The following PPP2R5A variants were observed in gnomAD, a reference collection of about 807,000 sequenced individuals.
PPP2R5A encodes protein phosphatase 2 regulatory subunit B'alpha, also known as serine/threonine-protein phosphatase 2A 56 kDa regulatory subunit alpha isoform.
In PPP2R5A, 25 loss-of-function variants were observed where a neutral mutation model predicts 64.2. The ratio of observed to expected loss-of-function variants is 0.39; its 90% CI spans 0.28 to 0.54. PPP2R5A has a LOEUF of 0.54. Among genes scored for constraint, PPP2R5A ranks in the 20% least tolerant of loss-of-function variants. PPP2R5A has a pLI of 0.67. For missense variants in PPP2R5A, 425 were observed against 576.3 expected (o/e 0.74, Z 2.69); for synonymous variants, 198 against 201.2 (o/e 0.98, Z 0.13).
intron 1 of PPP2R5A, among the ~76,000 whole-genome samples, chr1:212,304,322 G>C (rs986216484): frequency 6.6e-6 from 1 of 152,074 alleles, no homozygotes; most frequent in African/African-American, 2.4e-5. Context: ...AGGCCGAGGT[G>C]GGTGGATCAC....
intron 1 of PPP2R5A, among the ~76,000 whole-genome samples, chr1:212,307,576 T>C (rs351382): frequency 0.99 from 151,507 of 152,318 alleles, 75,352 homozygotes; most frequent in Middle Eastern, 1. Flanking sequence ...AACCGTCCAA[T>C]GGTACATTAT....
intron 1 of PPP2R5A, among the ~76,000 whole-genome samples, chr1:212,316,565 G>C (rs1030389763): frequency 8.6e-6 from 1 of 116,954 alleles, no homozygotes; most frequent in African/African-American, 3.1e-5. Flanking sequence ...AAATTCCATG[G>C]ATATTTAACC....
rs117915300 is a variant in PPP2R5A, at chr1:212,345,805, C to T, written c.576C>T (p.Leu192=). The T allele has an allele frequency of 2.6e-4, 415 of 1,595,402 alleles. 7 individuals are homozygous for T. The East Asian group carries it at 9.2e-3, about 36-fold the overall frequency. The change falls in exon 5 of 13, where the codon CTC becomes CTT. Residue 192 remains leucine (L), a splice_region_variant and synonymous_variant. Coordinates refer to ENST00000261461, the MANE Select transcript of PPP2R5A (RefSeq NM_006243.4). The part of the protein sequence containing the change: ...RYIDQKFVQQ[L]LELFDSEDPR... Reference sequence around the variant, plus strand: ...AATTTCTCAGGTTTCTTTTAAAGCTCCTGGAGCTTTTTGATAGTGAAGATC... The same window carrying T: ...AATTTCTCAGGTTTCTTTTAAAGCTTCTGGAGCTTTTTGATAGTGAAGATC...
At chr1:212,291,050 TTA>T (rs1407596721) in intron 1 of PPP2R5A, among the ~76,000 whole-genome samples, 11 of 152,216 alleles carry the variant, frequency 7.2e-5, no homozygotes, top group Non-Finnish European at 1.2e-4. Flanking sequence ...TAGTTTGTTT[TTA>T]TGTGTTTAGC....
At chr1:212,359,259 G>A (rs1474883420) in intron 12 of PPP2R5A, among the ~76,000 whole-genome samples, 1 of 152,170 alleles carries the variant, frequency 6.6e-6, no homozygotes, top group African/African-American at 2.4e-5. Flanking sequence ...CTTTTCAAGT[G>A]TTCTTTGTTA....
intron 12 of PPP2R5A, 128 bp downstream of exon 12, chr1:212,358,915 C>A (rs1273889177): frequency 5.1e-6 from 3 of 589,910 alleles, no homozygotes; most frequent in Non-Finnish European, 8.5e-6. Context: ...TTATAGTAAA[C>A]ATTACAATGT....
rs869112186 is a variant in PPP2R5A at position 212,297,096 on chromosome 1, C to CTT, written c.181+10846_181+10847dup. ...TTTCTTTTCTTTTTCTTTGCTTCTT[C>CTT]TTTTTTTTTTTTTTTTTTTTTTTTT... On this transcript the variant is annotated intron_variant, in intron 1 of 12. Transcript: ENST00000261461. 4.0e-4 allele frequency among the ~76,000 whole-genome samples: 33 copies of CTT among 82,672 alleles called. 3 individuals are homozygous for CTT. Among genetic ancestry groups the CTT allele is most frequent in the Non-Finnish European group, 4.5e-4 (18 of 40,430 alleles). The allele number at this position is 82,672 out of a possible 152,430, so 54.2% of individuals were successfully genotyped here.
At chr1:212,309,035 A>G in intron 1 of PPP2R5A, 2 of 692,958 alleles carry the variant, frequency 2.9e-6, no homozygotes, top group Non-Finnish European at 5.2e-6. Flanking sequence ...ATATTTAGCC[A>G]GCTAGACTCA....
Position 212,356,606 on chromosome 1 carries a change from A to G in PPP2R5A, c.928-20A>G. The G allele has an allele frequency of 6.2e-7, 1 of 1,606,052 alleles. No homozygotes were observed. Among genetic ancestry groups the G allele is most frequent in the Non-Finnish European group, 8.5e-7 (1 of 1,177,130 alleles). On this transcript the variant is annotated intron_variant, in intron 8 of 12. Transcript: ENST00000261461. ...CTAGCTTTGTTATTAAATTCATGCTAAACTTTTTCTTTTTCGCAGGTGATC... is the reference window on the plus strand; with the variant it reads ...CTAGCTTTGTTATTAAATTCATGCTGAACTTTTTCTTTTTCGCAGGTGATC...
intron 1 of PPP2R5A, among the ~76,000 whole-genome samples, chr1:212,312,204 G>A (rs1009258869): frequency 2.0e-5 from 3 of 152,216 alleles, no homozygotes; most frequent in Non-Finnish European, 4.4e-5. Flanking sequence ...TAGCCTAGGA[G>A]CAGTAGGCTC....
At chr1:212,359,382 A>G (rs1660041614) in intron 12 of PPP2R5A, among the ~76,000 whole-genome samples, 1 of 152,156 alleles carries the variant, frequency 6.6e-6, no homozygotes, top group Non-Finnish European at 1.5e-5. Flanking sequence ...GGTACTATTA[A>G]TATGTTGTCC....
At chr1:212,295,689 AAG>A (rs1658681317) in intron 1 of PPP2R5A, among the ~76,000 whole-genome samples, 1 of 152,170 alleles carries the variant, frequency 6.6e-6, no homozygotes, top group Non-Finnish European at 1.5e-5. Flanking sequence ...CTGTCAGGGG[AAG>A]AGAGTCTTTA....
chr1:212,360,687 G>A lies in PPP2R5A; in HGVS notation c.1378G>A (p.Glu460Lys), dbSNP rs1440333259. 6.3e-7 allele frequency: 1 copy of A among 1,594,982 alleles called. No homozygotes were observed. Among genetic ancestry groups the A allele is most frequent in the African/African-American group, 1.4e-5 (1 of 73,802 alleles). Residue 460 changes from glutamate to lysine, a missense_variant, in exon 13 of 13, where the codon GAG (glutamate) becomes AAG (lysine). Transcript: ENST00000261461. ...EREELWKKLE[E>K]LKLKKALEKQ... The stretch of plus-strand genomic sequence containing the variant: ...TGAAGAATTATGGAAAAAATTAGAG[G>A]AGCTAAAGCTAAAGAAAGCTCTAGA...
chr1:212,360,735 A>G lies in PPP2R5A; in HGVS notation c.1426A>G (p.Met476Val), dbSNP rs1230873880. The change falls in exon 13 of 13, where the codon ATG becomes GTG. Residue 476 changes from methionine (M) to valine (V), a missense_variant. Met to Val is a conservative substitution (Grantham distance 21). This residue lies in a region of PPP2R5A where 177 missense variants were observed against 244.8 expected (regional missense o/e 0.72). Coordinates refer to ENST00000261461, the MANE Select transcript of PPP2R5A (RefSeq NM_006243.4). ...AGAAAAACAGAATAGTGCTTACAACATGCACAGTATTCTCAGCAATACAAG... is the reference window on the plus strand; with the variant it reads ...AGAAAAACAGAATAGTGCTTACAACGTGCACAGTATTCTCAGCAATACAAG... ...ALEKQNSAYNMHSILSNTSAE is the reference protein window; with the variant it reads ...ALEKQNSAYNVHSILSNTSAE The G allele has an allele frequency of 6.3e-7, 1 of 1,589,264 alleles. No homozygotes were observed.
chr1:212,338,437 G>A lies in PPP2R5A; in HGVS notation c.481-3751G>A, dbSNP rs117148978. ...TGCAACACTGTTTCTTAGATTCTTG[G>A]AGCAAGTTATTTGTATAGAAGACCA... On this transcript the variant is annotated intron_variant, in intron 3 of 12. Coordinates refer to ENST00000261461, the MANE Select transcript of PPP2R5A (RefSeq NM_006243.4). Among the ~76,000 whole-genome samples, 22 of 152,192 alleles carry A rather than the reference G, an allele frequency of 1.4e-4. No homozygotes were observed. In the East Asian group the frequency reaches 4.3e-3, roughly 29 times the overall value.
chr1:212,349,335 A>G, intron 8 of PPP2R5A, 93 bp downstream of exon 8: 4 of 914,636 alleles, frequency 4.4e-6, no homozygotes, highest in Non-Finnish European at 6.3e-6. Context: ...ATTAAGTAGA[A>G]TAATGTACGT....
At chr1:212,327,976 G>A (rs1198612432) in intron 1 of PPP2R5A, among the ~76,000 whole-genome samples, 2 of 152,242 alleles carry the variant, frequency 1.3e-5, no homozygotes, top group Middle Eastern at 3.4e-3. Context: ...CACCATGCCC[G>A]GATAATTTTT....
chr1:212,335,475 C>CAA lies in PPP2R5A; in HGVS notation c.480+1889_480+1890dup, dbSNP rs71573833. Among the ~76,000 whole-genome samples the CAA allele has an allele frequency of 8.3e-3, 842 of 100,990 alleles. 31 individuals are homozygous for CAA. The highest frequency in any genetic ancestry group is 0.076 in the Admixed American group (763 of 10,096). The allele number at this position is 100,990 out of a possible 152,430, so 66.3% of individuals were successfully genotyped here. ...GGGCAACAAGAGAGAAACTCCGGCT[C>CAA]AAAAAAAAAAAAAGAAAAAAGATGA... On this transcript the variant is annotated intron_variant, in intron 3 of 12. Transcript: ENST00000261461.
intron 3 of PPP2R5A, among the ~76,000 whole-genome samples, chr1:212,339,652 TTTCAATTATATATATGG>T (rs1301479694): frequency 2.0e-5 from 3 of 152,068 alleles, no homozygotes; most frequent in African/African-American, 4.8e-5. Context: ...ATGGCACAGG[TTTCAATTATATATATGG>T]TTCAATTATA....
Sources: gnomAD v4.1 joint callset for allele counts (sites outside exome capture counted in the v4.1 genomes callset) on GRCh38, gnomAD v4.1.1 for gene constraint, gnomAD v4.1.1 regional missense constraint, MANE v1.5 for transcripts, NCBI Gene and HGNC (gene_info 2026-07-23, HGNC 2026-07-21) for gene names.